C17orf58: variants seen among roughly 807,000 people sequenced by gnomAD.
C17orf58 encodes UPF0450 protein C17orf58.
C17orf58 carries 5 observed loss-of-function variants against 7.4 expected under a neutral mutation model. The ratio of observed to expected loss-of-function variants is 0.67; its 90% CI spans 0.35 to 1.42. The LOEUF (loss-of-function observed/expected upper bound fraction) is 1.42. Ranked by LOEUF, C17orf58 falls within the 40% of genes most tolerant of loss-of-function variation. C17orf58 has a pLI of 0.04. For missense variants in C17orf58, 162 were observed against 174.2 expected, an observed-to-expected ratio of 0.93 and a Z score of 0.40; for synonymous variants, 60 against 70.6, an observed-to-expected ratio of 0.85 and a Z score of 0.75.
intron 1 of C17orf58, among the ~76,000 whole-genome samples, chr17:67,994,225 C>A (rs539524022): frequency 3.3e-5 from 5 of 151,484 alleles, no homozygotes; most frequent in Middle Eastern, 3.4e-3. Context: ...TTCGCAGGCA[C>A]CTGCAAGAGG....
At position 67,993,441 on chromosome 17, in the gene C17orf58, A is replaced by G. The variant is rs2070858331; in HGVS notation, c.620T>C (p.Phe207Ser). Residue 207 changes from phenylalanine to serine, a missense_variant, in exon 2 of 4, where the codon TTC (phenylalanine) becomes TCC (serine). Phe to Ser is a radical substitution (Grantham distance 155, BLOSUM62 -2). This residue lies in a region of C17orf58 where 93 missense variants were observed against 90.4 expected (regional missense o/e 1.03). Coordinates refer to ENST00000580729, the MANE Select transcript of C17orf58 (RefSeq NM_001382359.1). This position sits in a 1 kb window ranked among gnomAD's most constrained non-coding sequence, Gnocchi z 5.1. ...CRSDLDEREAFCESEFAVNGI... is the reference protein window; with the variant it reads ...CRSDLDEREASCESEFAVNGI... ...GGGCTCACCGAATTCGCTCTCGCAG[A>G]ACGCCTCGCGTTCGTCCAGATCGGA... is the stretch of plus-strand genomic sequence containing the variant. The G allele has an allele frequency of 1.8e-6, 1 of 550,536 alleles. No homozygotes were observed. Among genetic ancestry groups the G allele is most frequent in the Non-Finnish European group, 3.2e-6 (1 of 315,066 alleles). The allele number at this position is 550,536 out of a possible 1,614,324, so 34.1% of individuals were successfully genotyped here.
intron 1 of C17orf58, among the ~76,000 whole-genome samples, chr17:67,994,367 T>C (rs1474120378): frequency 6.6e-6 from 1 of 151,696 alleles, no homozygotes; most frequent in Non-Finnish European, 1.5e-5. Flanking sequence ...CCTCTAAGAT[T>C]ATAGCTTTTA....
Position 67,993,327 on chromosome 17 carries a change from C to A in C17orf58, c.638-92G>T, listed in dbSNP as rs1167453573. 3.8e-6 allele frequency: 3 copies of A among 781,210 alleles called. No homozygotes were observed. The East Asian group carries it at 8.1e-5, about 21-fold the overall frequency. 48.4% of individuals were successfully genotyped at this position (781,210 alleles called of 1,614,324 possible). ...GGTTTTTAGCAACCGCGAAACGGCC[C>A]GCACGGGTCAGGCGCCCTGGGATCT... On this transcript the variant is annotated intron_variant, in intron 2 of 3. Coordinates refer to ENST00000580729, the MANE Select transcript of C17orf58 (RefSeq NM_001382359.1). This position sits in a 1 kb window ranked among gnomAD's most constrained non-coding sequence, Gnocchi z 5.1.
chr17:67,994,536 A>ATATATATATATATATATATATAT (rs1555699626), intron 1 of C17orf58, among the ~76,000 whole-genome samples: 6 of 79,694 alleles, frequency 7.5e-5, no homozygotes, highest in Admixed American at 2.6e-4. Context: ...ATATATATAT[A>ATATATATATATATATATATATAT]AAACATATAT....
Position 67,991,972 on chromosome 17 carries a change from T to G in C17orf58, c.961A>C (p.Arg321=). 1 of 1,613,032 alleles carries G rather than the reference T, an allele frequency of 6.2e-7. No homozygotes were observed. The highest frequency in any genetic ancestry group is 8.5e-7 in the Non-Finnish European group (1 of 1,179,490). The part of the protein sequence containing the change: ...LLRSSSSYVK[R]FNRKREGQIQ... ...TGCCCTTCCCTTTTTCGATTAAACC[T>G]TTTCACATAGCTGCTGCTGCTCCTT... Residue 321 remains arginine (R), a synonymous_variant, in exon 4 of 4, where the codon AGG becomes CGG. Coordinates refer to ENST00000580729, the MANE Select transcript of C17orf58 (RefSeq NM_001382359.1).
rs1360161400 is a variant in C17orf58, at chr17:67,991,588, T to G, written c.*325A>C. The G allele has an allele frequency of 6.0e-6, 1 of 167,730 alleles. No homozygotes were observed. Among genetic ancestry groups the G allele is most frequent in the Non-Finnish European group, 1.3e-5 (1 of 78,798 alleles). 10.4% of individuals were successfully genotyped at this position (167,730 alleles called of 1,614,324 possible). ...AAATGTTTTTGTGGACTATTTCTAC[T>G]AAAGAATATTAAATTAAAATAATTT... is the stretch of plus-strand genomic sequence containing the variant. On this transcript the variant is annotated 3_prime_UTR_variant, in exon 4 of 4. Coordinates refer to ENST00000580729, the MANE Select transcript of C17orf58 (RefSeq NM_001382359.1).
chr17:67,995,503 C>G (rs1217266266), intron 1 of C17orf58, among the ~76,000 whole-genome samples: 1 of 152,218 alleles, frequency 6.6e-6, no homozygotes, highest in Non-Finnish European at 1.5e-5. Context: ...ACAGAACATC[C>G]AAATAAAAGC....
intron 3 of C17orf58, among the ~76,000 whole-genome samples, chr17:67,992,471 G>C (rs1555699341): frequency 6.6e-6 from 1 of 150,482 alleles, no homozygotes. Context: ...GGGAGGCTGA[G>C]GCAGGATAAT....
At chr17:67,995,553 T>C (rs1178458385) in intron 1 of C17orf58, among the ~76,000 whole-genome samples, 1 of 152,252 alleles carries the variant, frequency 6.6e-6, no homozygotes, top group African/African-American at 2.4e-5. Context: ...CCTCATTTCT[T>C]CACGGGCTGA....
chr17:67,994,917 A>G (rs1285367708), intron 1 of C17orf58, among the ~76,000 whole-genome samples: 3 of 152,138 alleles, frequency 2.0e-5, no homozygotes, highest in Admixed American at 6.6e-5. Flanking sequence ...CAAATTTTTA[A>G]AATTATTAAT....
intron 1 of C17orf58, among the ~76,000 whole-genome samples, chr17:67,994,470 A>G (rs138486649): frequency 1.5e-5 from 2 of 133,326 alleles, no homozygotes; most frequent in South Asian, 2.5e-4. Flanking sequence ...ATATATACGT[A>G]TATGTGTGTA....
chr17:67,993,871 C>T lies in C17orf58; in HGVS notation c.190G>A (p.Glu64Lys), dbSNP rs1310831787. Residue 64 changes from glutamate to lysine, a missense_variant, in exon 2 of 4, where the codon GAG (glutamate) becomes AAG (lysine). Glu to Lys is a moderately conservative substitution (Grantham distance 56). Around this residue, in one of 3 missense-constraint regions of C17orf58, gnomAD observed 93 missense variants for 90.4 expected, o/e 1.03. Transcript: ENST00000580729. This position sits in a 1 kb window ranked among gnomAD's most constrained non-coding sequence, Gnocchi z 5.1. ...LEAPQRPRAAEVAPAARAWPD... is the reference protein window; with the variant it reads ...LEAPQRPRAAKVAPAARAWPD... ...CAGGCGCGGGCGGCGGGAGCGACCT[C>T]GGCCGCGCGCGGCCGCTGCGGGGCC... The T allele has an allele frequency of 5.5e-6, 2 of 363,900 alleles. No individual in the cohort carries two copies. Among genetic ancestry groups the T allele is most frequent in the Admixed American group, 4.7e-5 (1 of 21,292 alleles). The allele number at this position is 363,900 out of a possible 1,614,324, so 22.5% of individuals were successfully genotyped here.
At chr17:67,994,976 T>C (rs2070880198) in intron 1 of C17orf58, among the ~76,000 whole-genome samples, 1 of 152,210 alleles carries the variant, frequency 6.6e-6, no homozygotes, top group African/African-American at 2.4e-5. Flanking sequence ...CTCAGCCAGC[T>C]TGGGAGCTGG....
intron 3 of C17orf58, 196 bp downstream of exon 3, chr17:67,992,848 C>A (rs2070847697): frequency 6.3e-7 from 1 of 1,579,506 alleles, no homozygotes; most frequent in South Asian, 1.2e-5. Context: ...CTGTTCTCAC[C>A]CTTGAGGGTG....
In C17orf58 at chr17:67,996,357, A is replaced by G. The variant is rs1599120322; in HGVS notation, c.-159T>C. On this transcript the variant is annotated 5_prime_UTR_variant, in exon 1 of 4. Coordinates refer to ENST00000580729, the MANE Select transcript of C17orf58 (RefSeq NM_001382359.1). ...TCGCTGAGCAGACCATTGGAACAAA[A>G]CCGAGCCGCAGGGATTTCTCCCTCT... 2.6e-6 allele frequency: 1 copy of G among 390,926 alleles called. No homozygotes were observed. 24.2% of individuals were successfully genotyped at this position (390,926 alleles called of 1,614,324 possible). A position where few individuals can be genotyped will look rare whatever the true frequency, so the allele number is the denominator to read the frequency against.
rs2070856575 is a variant in C17orf58 at position 67,993,340 on chromosome 17, C to T, written c.637+84G>A. Reference sequence around the variant, plus strand: ...CGCGAAACGGCCCGCACGGGTCAGGCGCCCTGGGATCTCGCGGGCGGATTC... The same window carrying T: ...CGCGAAACGGCCCGCACGGGTCAGGTGCCCTGGGATCTCGCGGGCGGATTC... On this transcript the variant is annotated intron_variant, in intron 2 of 3. Coordinates refer to ENST00000580729, the MANE Select transcript of C17orf58 (RefSeq NM_001382359.1). This position sits in a 1 kb window ranked among gnomAD's most constrained non-coding sequence, Gnocchi z 5.1. 7.1e-6 allele frequency: 5 copies of T among 700,126 alleles called. No individual in the cohort carries two copies. The highest frequency in any genetic ancestry group is 1.2e-5 in the Non-Finnish European group (5 of 420,974). The allele number at this position is 700,126 out of a possible 1,614,324, so 43.4% of individuals were successfully genotyped here.
At chr17:67,992,204 C>G in intron 3 of C17orf58, 101 bp from the exon 4 acceptor site, 1 of 1,039,624 alleles carries the variant, frequency 9.6e-7, no homozygotes, top group Non-Finnish European at 1.4e-6. Context: ...AATCTATTAT[C>G]TTGCTGCACA....
chr17:67,991,812 G>T lies in C17orf58; in HGVS notation c.*101C>A. On this transcript the variant is annotated 3_prime_UTR_variant, in exon 4 of 4. Transcript: ENST00000580729. ...CAAGTCATTCACAGAGTAGCTGAGGGCTCTCTTCTGAAGGAGGACCCATTA... is the reference window on the plus strand; with the variant it reads ...CAAGTCATTCACAGAGTAGCTGAGGTCTCTCTTCTGAAGGAGGACCCATTA... The T allele has an allele frequency of 1.1e-6, 1 of 925,184 alleles. No individual in the cohort carries two copies. Among genetic ancestry groups the T allele is most frequent in the Non-Finnish European group, 1.6e-6 (1 of 616,094 alleles). 57.3% of individuals were successfully genotyped at this position (925,184 alleles called of 1,614,324 possible).
chr17:67,996,151 G>A lies in C17orf58; in HGVS notation c.48C>T (p.Ser16=). The A allele has an allele frequency of 5.0e-6, 2 of 398,972 alleles. No homozygotes were observed. Among genetic ancestry groups the A allele is most frequent in the Non-Finnish European group, 8.8e-6 (2 of 226,096 alleles). The allele number at this position is 398,972 out of a possible 1,614,324, so 24.7% of individuals were successfully genotyped here. A position where few individuals can be genotyped will look rare whatever the true frequency, so the allele number is the denominator to read the frequency against. ...FWLLCLIVGS[S]PEAPVAERKT... is the part of the protein sequence containing the mutation. ...TTCTCTCCGCCACCGGTGCTTCGGG[G>A]GATGATCCGACGATCAAACAGAGGA... The change falls in exon 1 of 4, where the codon TCC becomes TCT. Residue 16 remains serine, a synonymous_variant. Transcript: ENST00000580729.
Sources: allele counts gnomAD v4.1 joint callset (sites outside exome capture counted in the v4.1 genomes callset), GRCh38; gene constraint gnomAD v4.1.1; regional missense constraint gnomAD v4.1.1; non-coding constraint Gnocchi (gnomAD v3.1); transcripts MANE v1.5; gene names NCBI Gene and HGNC (gene_info 2026-07-23, HGNC 2026-07-21).